The following CYFIP2 variants were observed in gnomAD, a reference collection of about 807,000 sequenced individuals.
CYFIP2 encodes cytoplasmic FMR1 interacting protein 2, also known as cytoplasmic FMR1-interacting protein 2.
In CYFIP2, 29 loss-of-function variants were observed where a neutral mutation model predicts 158.7. That is an observed-to-expected ratio of 0.18 (90% CI 0.14 to 0.25). The LOEUF (loss-of-function observed/expected upper bound fraction) is 0.25, where lower values mean the gene tolerates loss of function less well. Among genes scored for constraint, CYFIP2 ranks in the 10% least tolerant of loss-of-function variants. CYFIP2 has a pLI of 1.00. For missense variants in CYFIP2, 852 were observed against 1,639.5 expected (o/e 0.52, Z 8.29); for synonymous variants, 585 against 617.6 (o/e 0.95, Z 0.78).
intron 1 of CYFIP2, among the ~76,000 whole-genome samples, chr5:157,284,059 T>C (rs977329496): frequency 2.0e-5 from 3 of 152,020 alleles, no homozygotes; most frequent in African/African-American, 7.3e-5. Context: ...TTATTATTAA[T>C]AATATTTTTC....
chr5:157,331,842 T>C (rs1761488233), intron 20 of CYFIP2, among the ~76,000 whole-genome samples: 2 of 152,118 alleles, frequency 1.3e-5, no homozygotes, highest in South Asian at 4.1e-4. Context: ...AAAAATAAAA[T>C]AGTTAAGAAT....
chr5:157,364,794 A>G (rs1249979646), intron 26 of CYFIP2: 1 of 152,004 alleles, frequency 6.6e-6, no homozygotes, highest in Non-Finnish European at 1.5e-5. Context: ...TAAATGACAT[A>G]CCAATTCTTC....
chr5:157,387,934 T>C (rs1275219172), intron 28 of CYFIP2, among the ~76,000 whole-genome samples: 6 of 152,214 alleles, frequency 3.9e-5, no homozygotes, highest in Non-Finnish European at 8.8e-5. Context: ...TGCATTGGTG[T>C]CTCCTGATTT....
At chr5:157,349,418 A>G (rs1467603691) in intron 23 of CYFIP2, among the ~76,000 whole-genome samples, 2 of 152,172 alleles carry the variant, frequency 1.3e-5, no homozygotes, top group South Asian at 2.1e-4. Flanking sequence ...ATGGTCTCCA[A>G]CTCCATCCAG....
intron 29 of CYFIP2, among the ~76,000 whole-genome samples, chr5:157,390,316 G>T (rs761583379): frequency 1.3e-5 from 2 of 151,804 alleles, no homozygotes; most frequent in East Asian, 1.9e-4. Flanking sequence ...ATTTGTGGCC[G>T]GAAGGACTTA....
intron 28 of CYFIP2, among the ~76,000 whole-genome samples, chr5:157,387,704 T>C (rs1766837612): frequency 6.7e-6 from 1 of 150,170 alleles, no homozygotes; most frequent in Non-Finnish European, 1.5e-5. Flanking sequence ...ACAAGAGATA[T>C]TTTTAGCTAA....
chr5:157,386,795 C>T (rs1766739183), intron 28 of CYFIP2, among the ~76,000 whole-genome samples: 1 of 152,132 alleles, frequency 6.6e-6, no homozygotes, highest in Non-Finnish European at 1.5e-5. Context: ...TGGCCCACGC[C>T]TGTGATCCCA....
At position 157,348,276 on chromosome 5, in the gene CYFIP2, G is replaced by A. The variant is rs185766521; in HGVS notation, c.2673+7119G>A. On this transcript the variant is annotated intron_variant, in intron 23 of 30. Transcript: ENST00000620254. ...GGAAAGTGAGTGGCTCACAGAGCACGCCCTGGAATTCCCAGGCTGGAGTGC... is the reference window on the plus strand; with the variant it reads ...GGAAAGTGAGTGGCTCACAGAGCACACCCTGGAATTCCCAGGCTGGAGTGC... Among the ~76,000 whole-genome samples, 145 of 152,334 alleles carry A rather than the reference G, an allele frequency of 9.5e-4. 1 individual carries two copies. The highest frequency in any genetic ancestry group is 3.1e-3 in the African/African-American group (130 of 41,574).
At chr5:157,286,938 C>A in intron 2 of CYFIP2, 81 bp from the exon 3 acceptor site, 1 of 1,015,442 alleles carries the variant, frequency 9.8e-7, no homozygotes, top group Non-Finnish European at 1.5e-6. Context: ...TGTTTGTTGG[C>A]AGCAGTTTGC....
chr5:157,361,681 C>T lies in CYFIP2; in HGVS notation c.3039+83C>T. 6.5e-7 allele frequency: 1 copy of T among 1,546,708 alleles called. No individual in the cohort carries two copies. The highest frequency in any genetic ancestry group is 1.2e-5 in the South Asian group (1 of 86,668). ...CAAGCAGATATTGAGGCTCCTGCAG[C>T]ATTGATTTGTGCTTTGAGTACAAGC... On this transcript the variant is annotated intron_variant, in intron 26 of 30. Coordinates refer to ENST00000620254, the MANE Select transcript of CYFIP2 (RefSeq NM_001037333.3). This position sits in a 1 kb window ranked among gnomAD's most constrained non-coding sequence, Gnocchi z 4.4.
intron 20 of CYFIP2, 122 bp from the exon 21 acceptor site, chr5:157,333,205 C>T (rs901106859): frequency 1.6e-6 from 2 of 1,279,488 alleles, no homozygotes; most frequent in African/African-American, 2.9e-5. Flanking sequence ...TCCAGGAAAC[C>T]CCTCCCACCT....
intron 17 of CYFIP2, 124 bp downstream of exon 17, chr5:157,325,762 C>A: frequency 9.6e-7 from 1 of 1,036,748 alleles, no homozygotes; most frequent in Non-Finnish European, 1.3e-6. Context: ...ATATGTCCCA[C>A]CACAGGGAGA....
chr5:157,278,692 T>A (rs1289813968), intron 1 of CYFIP2, among the ~76,000 whole-genome samples: 1 of 152,224 alleles, frequency 6.6e-6, no homozygotes. Context: ...TTCCTTTTTT[T>A]GGTAGGAGAA....
chr5:157,290,161 A>G (rs438830), intron 3 of CYFIP2, among the ~76,000 whole-genome samples: 119,260 of 152,124 alleles, frequency 0.78, 47,072 homozygotes, highest in East Asian at 0.99. Context: ...ATTTTCTGTT[A>G]CTGCCCTAAT....
intron 3 of CYFIP2, among the ~76,000 whole-genome samples, chr5:157,293,347 C>T (rs1051389232): frequency 2.6e-5 from 4 of 152,162 alleles, no homozygotes; most frequent in African/African-American, 9.7e-5. Flanking sequence ...TGAACCACTG[C>T]GCCCAGCCTT....
intron 4 of CYFIP2, among the ~76,000 whole-genome samples, chr5:157,295,356 T>C (rs1226199167): frequency 6.6e-6 from 1 of 152,240 alleles, no homozygotes; most frequent in African/African-American, 2.4e-5. Flanking sequence ...TTACTGACTT[T>C]TGTCATGTTG....
intron 23 of CYFIP2, chr5:157,342,678 C>T: frequency 1.7e-6 from 1 of 595,750 alleles, no homozygotes; most frequent in South Asian, 2.7e-5. Flanking sequence ...CCTTGGCATA[C>T]CCTGGGGGAT....
chr5:157,380,544 AG>A lies in CYFIP2; in HGVS notation c.3040-2042del, dbSNP rs1393080225. On this transcript the variant is annotated intron_variant, in intron 26 of 30. Coordinates refer to ENST00000620254, the MANE Select transcript of CYFIP2 (RefSeq NM_001037333.3). The stretch of plus-strand genomic sequence containing the variant: ...GTTTTGTCTCCAAAAAATACAAACA[AG>A]GGGAACTCTCCCCATCTTTTGAGGT... 3.3e-5 allele frequency among the ~76,000 whole-genome samples: 5 copies of A among 152,360 alleles called. No individual in the cohort carries two copies. The East Asian group carries it at 7.7e-4, about 23-fold the overall frequency.
intron 26 of CYFIP2, chr5:157,364,201 T>TTG (rs1764132004): frequency 2.0e-4 from 3 of 15,108 alleles, no homozygotes; most frequent in East Asian, 9.6e-4. Flanking sequence ...TGGGGCGGGG[T>TTG]GGCGGGGGGG....
Sources: gnomAD v4.1 joint callset for allele counts (sites outside exome capture counted in the v4.1 genomes callset) on GRCh38, gnomAD v4.1.1 for gene constraint, Gnocchi (gnomAD v3.1) non-coding constraint, MANE v1.5 for transcripts, NCBI Gene and HGNC (gene_info 2026-07-23, HGNC 2026-07-21) for gene names.